MKRN1: variants seen among roughly 807,000 people sequenced by gnomAD.
MKRN1 encodes makorin ring finger protein 1.
A neutral mutation model predicts 55.5 loss-of-function variants in MKRN1; 9 were observed. The observed-to-expected ratio is 0.16, with a 90% confidence interval of 0.10 to 0.28. The LOEUF is 0.28. MKRN1 is among the 10% of genes least tolerant of loss of function. MKRN1 has a pLI of 1.00. For synonymous variants in MKRN1, 253 were observed against 235.9 expected (o/e 1.07, Z -0.66); for missense variants, 488 against 626.7 (o/e 0.78, Z 2.36).
Position 140,472,134 on chromosome 7 carries a change from A to G in MKRN1, c.186-123T>C, listed in dbSNP as rs113573240. The G allele has an allele frequency of 7.2e-5, 98 of 1,354,352 alleles. 4 individuals are homozygous for G. The African/African-American group carries it at 8.3e-4, about 11-fold the overall frequency. 83.9% of individuals were successfully genotyped at this position (1,354,352 alleles called of 1,614,324 possible). A position where few individuals can be genotyped will look rare whatever the true frequency, so the allele number is the denominator to read the frequency against. On this transcript the variant is annotated intron_variant, in intron 1 of 7. Coordinates refer to ENST00000255977, the MANE Select transcript of MKRN1 (RefSeq NM_013446.4). The stretch of plus-strand genomic sequence containing the variant: ...ACAAACATACGAAATAAACACAAAG[A>G]AAGGGCCAGGCATGGTGGCTCATGC...
chr7:140,478,876 AG>A (rs1228867472), intron 1 of MKRN1: 3 of 267,792 alleles, frequency 1.1e-5, no homozygotes, highest in East Asian at 6.9e-5. Flanking sequence ...GGCAGCGCTC[AG>A]GGAAGTGTAA....
chr7:140,454,287 A>T lies in MKRN1; in HGVS notation c.*230T>A, dbSNP rs1794406677. On this transcript the variant is annotated 3_prime_UTR_variant, in exon 8 of 8. Transcript: ENST00000255977. The stretch of plus-strand genomic sequence containing the variant: ...ACTGTCTGACAGTTAAATTCGTGTT[A>T]CAAAAAACTAACTTTAAGATTTATT... 2 of 558,064 alleles carry T rather than the reference A, an allele frequency of 3.6e-6. No homozygotes were observed. The highest frequency in any genetic ancestry group is 6.4e-6 in the Non-Finnish European group (2 of 311,336). 34.6% of individuals were successfully genotyped at this position (558,064 alleles called of 1,614,324 possible).
chr7:140,460,767 T>C (rs923954728), intron 2 of MKRN1, among the ~76,000 whole-genome samples: 3 of 152,070 alleles, frequency 2.0e-5, no homozygotes, highest in African/African-American at 7.2e-5. Context: ...AGACTGGGGG[T>C]CACCAAAGTT....
At chr7:140,458,942 A>T (rs1794541128) in intron 4 of MKRN1, 65 bp downstream of exon 4, 5 of 1,524,742 alleles carry the variant, frequency 3.3e-6, no homozygotes, top group Non-Finnish European at 4.5e-6. Context: ...TAAACCCACA[A>T]TGCTGTGAAA....
chr7:140,472,088 A>G, intron 1 of MKRN1, 77 bp from the exon 2 acceptor site: 1 of 1,575,100 alleles, frequency 6.3e-7, no homozygotes, highest in East Asian at 2.3e-5. Flanking sequence ...TTCATGACTA[A>G]TATATTCAAC....
At chr7:140,461,106 A>G (rs988240229) in intron 2 of MKRN1, among the ~76,000 whole-genome samples, 1 of 152,262 alleles carries the variant, frequency 6.6e-6, no homozygotes, top group African/African-American at 2.4e-5. Flanking sequence ...AGGCTGACAC[A>G]AGGTCAATAA....
chr7:140,462,469 G>A (rs113276142), intron 2 of MKRN1, among the ~76,000 whole-genome samples: 1 of 152,118 alleles, frequency 6.6e-6, no homozygotes, highest in Non-Finnish European at 1.5e-5. Flanking sequence ...ATGTTTATAC[G>A]CAAAAATAAA....
intron 5 of MKRN1, chr7:140,456,441 T>TA (rs1794468175): frequency 1.4e-6 from 2 of 1,401,704 alleles, no homozygotes; most frequent in Non-Finnish European, 1.9e-6. Flanking sequence ...TTCTAACTGA[T>TA]ACACAGGGTT....
chr7:140,459,280 G>A (rs1345658901), intron 3 of MKRN1, 47 bp from the exon 4 acceptor site: 1 of 1,570,890 alleles, frequency 6.4e-7, no homozygotes, highest in Non-Finnish European at 8.7e-7. Context: ...GATAAGGCAT[G>A]AACTATAAGA....
chr7:140,469,158 A>G (rs1355537140), intron 2 of MKRN1, among the ~76,000 whole-genome samples: 1 of 151,800 alleles, frequency 6.6e-6, no homozygotes, highest in Non-Finnish European at 1.5e-5. Flanking sequence ...AACCCCGTCT[A>G]TACTAAAAAT....
At chr7:140,476,471 C>CAAAAAAAAAAAAAAAA (rs59392050) in intron 1 of MKRN1, among the ~76,000 whole-genome samples, 36 of 72,562 alleles carry the variant, frequency 5.0e-4, no homozygotes, top group African/African-American at 2.1e-3. Flanking sequence ...CACTCCATCT[C>CAAAAAAAAAAAAAAAA]AAAAAAAAAA....
At chr7:140,470,381 T>G (rs1794890261) in intron 2 of MKRN1, among the ~76,000 whole-genome samples, 2 of 151,948 alleles carry the variant, frequency 1.3e-5, no homozygotes, top group South Asian at 4.1e-4. Flanking sequence ...GGTCAGGAGT[T>G]CGAGACCAGC....
rs1794413678 is a variant in MKRN1, at chr7:140,454,568, C to A, written c.1398G>T (p.Glu466Asp). 1 of 1,613,480 alleles carries A rather than the reference C, an allele frequency of 6.2e-7. No homozygotes were observed. The highest frequency in any genetic ancestry group is 1.7e-5 in the Admixed American group (1 of 60,006). The change falls in exon 8 of 8, where the codon GAG becomes GAT. Residue 466 changes from glutamate (E) to aspartate (D), a missense_variant. By Grantham distance (45) the Glu-to-Asp change is conservative. This residue lies in a region of MKRN1 where 278 missense variants were observed against 406.7 expected (regional missense o/e 0.68). Transcript: ENST00000255977. Reference protein sequence around the residue: ...GDDELTDSEDEWDLFHDELED... With the variant: ...GDDELTDSEDDWDLFHDELED... ...CCAGCTCATCATGAAACAAGTCCCA[C>A]TCATCTTCAGAGTCTGTTAGTTCGT...
At chr7:140,457,067 C>T (rs530434859) in intron 4 of MKRN1, 3 of 599,992 alleles carry the variant, frequency 5.0e-6, no homozygotes, top group Non-Finnish European at 8.6e-6. Context: ...TGCGGTGGTA[C>T]TTAACAATAC....
intron 2 of MKRN1, among the ~76,000 whole-genome samples, chr7:140,464,395 C>T (rs2130295290): frequency 6.6e-6 from 1 of 151,714 alleles, no homozygotes; most frequent in East Asian, 2.0e-4. Flanking sequence ...CAGAGCAAGA[C>T]TATCCTGTCC....
At chr7:140,471,826 G>A (rs1053312340) in intron 2 of MKRN1, 57 bp downstream of exon 2, 3 of 1,586,756 alleles carry the variant, frequency 1.9e-6, no homozygotes, top group East Asian at 2.2e-5. Flanking sequence ...TCAGAAGTAT[G>A]TCTTTTACCT....
intron 1 of MKRN1, among the ~76,000 whole-genome samples, chr7:140,477,234 T>G (rs912939959): frequency 1.2e-4 from 19 of 152,134 alleles, no homozygotes; most frequent in African/African-American, 3.9e-4. Flanking sequence ...TATCAAGGAA[T>G]CTGCACAACA....
At chr7:140,454,804 C>T (rs1435468147) in intron 7 of MKRN1, 75 bp from the exon 8 acceptor site, 6 of 1,452,796 alleles carry the variant, frequency 4.1e-6, no homozygotes, top group African/African-American at 2.8e-5. Flanking sequence ...TAAGGCAAAA[C>T]GTCCAGCACA....
chr7:140,474,021 G>T (rs980816964), intron 1 of MKRN1, among the ~76,000 whole-genome samples: 1 of 44,060 alleles, frequency 2.3e-5, no homozygotes, highest in African/African-American at 2.8e-4. Context: ...AAGAAAGAAA[G>T]AAAGAAAGAA....
Sources: allele counts gnomAD v4.1 joint callset (sites outside exome capture counted in the v4.1 genomes callset), GRCh38; gene constraint gnomAD v4.1.1; regional missense constraint gnomAD v4.1.1; transcripts MANE v1.5; gene names NCBI Gene and HGNC (gene_info 2026-07-23, HGNC 2026-07-21).